Variants in NR1H3 observed in about 807,000 individuals in gnomAD.
The protein encoded by NR1H3 is oxysterols receptor LXR-alpha.
In NR1H3, 19 loss-of-function variants were observed where a neutral mutation model predicts 48.1. The observed-to-expected ratio is 0.40, with a 90% CI of 0.28 to 0.58. The LOEUF is 0.58. NR1H3 is among the 20% of genes least tolerant of loss of function. The probability of loss-of-function intolerance (pLI) is 0.50; values close to 1 mark genes in which losing one functional copy is unlikely to be tolerated. For synonymous variants in NR1H3, 232 were observed against 227.3 expected (o/e 1.02, Z -0.19); for missense variants, 486 against 595.9 (o/e 0.82, Z 1.92).
At chr11:47,265,794 C>T (rs1956404157) in intron 7 of NR1H3, among the ~76,000 whole-genome samples, 1 of 152,140 alleles carries the variant, frequency 6.6e-6, no homozygotes. Context: ...ATTGCTTGAA[C>T]CTGGGAGGCA....
chr11:47,262,794 A>G (rs1565196215), intron 7 of NR1H3, among the ~76,000 whole-genome samples: 1 of 152,158 alleles, frequency 6.6e-6, no homozygotes, highest in Non-Finnish European at 1.5e-5. Context: ...TACAGGCATG[A>G]GCCACTGAAC....
chr11:47,255,600 T>TCA (rs1955060840), upstream of NR1H3, among the ~76,000 whole-genome samples: 1 of 99,282 alleles, frequency 1.0e-5, no homozygotes, highest in African/African-American at 4.4e-5. Context: ...TTTCTTTCTC[T>TCA]CTCTCTCTCT....
At chr11:47,267,671 G>C (rs1260650761) in intron 7 of NR1H3, among the ~76,000 whole-genome samples, 1 of 152,122 alleles carries the variant, frequency 6.6e-6, no homozygotes, top group Non-Finnish European at 1.5e-5. Context: ...ACCACGCCCG[G>C]CTAGTTTTTG....
upstream of NR1H3, among the ~76,000 whole-genome samples, chr11:47,253,815 AAC>A (rs908294386): frequency 3.3e-5 from 5 of 152,192 alleles, no homozygotes; most frequent in African/African-American, 1.2e-4. Flanking sequence ...GAGCCAAGGA[AAC>A]ACAGAAGAGG....
Position 47,259,199 on chromosome 11 carries a change from C to T in NR1H3, c.-18C>T, listed in dbSNP as rs757920915. The T allele has an allele frequency of 5.0e-6, 8 of 1,614,016 alleles. No individual in the cohort carries two copies. Among genetic ancestry groups the T allele is most frequent in the Non-Finnish European group, 6.8e-6 (8 of 1,180,008 alleles). ...CTGCAGGACAGTGCCTTGGTAATGA[C>T]CAGGGCTCCAGGAAGAGATGTCCTT... On this transcript the variant is annotated 5_prime_UTR_variant, in exon 2 of 10. Transcript: ENST00000441012.
intron 7 of NR1H3, among the ~76,000 whole-genome samples, chr11:47,266,946 A>C (rs559218627): frequency 4.3e-4 from 65 of 152,018 alleles, no homozygotes; most frequent in Non-Finnish European, 6.5e-4. Flanking sequence ...TTGCTGAAAA[A>C]CGATTCTTGA....
chr11:47,255,559 TTC>T (rs1284227287), upstream of NR1H3, among the ~76,000 whole-genome samples: 5 of 70,518 alleles, frequency 7.1e-5, no homozygotes, highest in African/African-American at 4.0e-4. Context: ...CTTTCTTTCT[TTC>T]TTTCTTTCTT....
At chr11:47,248,868 A>G (rs960641349), upstream of NR1H3, 2 of 1,550,630 alleles carry the variant, frequency 1.3e-6, no homozygotes, top group Non-Finnish European at 1.7e-6. Context: ...CGCACCCGTA[A>G]GGACACACGC....
intron 1 of NR1H3, among the ~76,000 whole-genome samples, chr11:47,251,154 G>A (rs1368645308): frequency 6.6e-6 from 1 of 151,288 alleles, no homozygotes; most frequent in Admixed American, 6.6e-5. Context: ...GCAAGACTCC[G>A]TCTCAAAAAA....
rs1204313905 is a variant in NR1H3, at chr11:47,267,921, G to A, written c.997G>A (p.Val333Met). The part of the protein sequence containing the change: ...REDFAKAGLQ[V>M]EFINPIFEFS... ...CCCTTCTTCCTCCCCAGGGCTGCAA[G>A]TGGAATTCATCAACCCCATCTTCGA... The change falls in exon 8 of 10, where the codon GTG (valine) becomes ATG (methionine). Residue 333 changes from valine to methionine, a missense_variant. Physicochemically the swap from Val to Met is conservative, Grantham distance 21. Transcript: ENST00000441012. The A allele has an allele frequency of 6.2e-6, 10 of 1,613,292 alleles. No homozygotes were observed. Among genetic ancestry groups the A allele is most frequent in the Non-Finnish European group, 8.5e-6 (10 of 1,179,438 alleles).
rs565653980 is a variant in NR1H3 at position 47,261,596 on chromosome 11, G to A, written c.758G>A (p.Arg253His). 5.6e-6 allele frequency: 9 copies of A among 1,614,078 alleles called. No individual in the cohort carries two copies. The highest frequency in any genetic ancestry group is 7.6e-6 in the Non-Finnish European group (9 of 1,180,044). The change falls in exon 6 of 10, where the codon CGC becomes CAC. Residue 253 changes from arginine to histidine, a missense_variant. Physicochemically the swap from Arg to His is conservative, Grantham distance 29. Coordinates refer to ENST00000441012, the MANE Select transcript of NR1H3 (RefSeq NM_005693.4). Reference protein sequence around the residue: ...DPHSREARQQRFAHFTELAIV... With the variant: ...DPHSREARQQHFAHFTELAIV... ...CATAGCCGGGAGGCCCGTCAGCAGC[G>A]CTTTGCCCACTTCACTGAGCTGGCC...
upstream of NR1H3, among the ~76,000 whole-genome samples, chr11:47,254,720 G>C (rs935408115): frequency 5.9e-5 from 9 of 152,158 alleles, no homozygotes; most frequent in Non-Finnish European, 1.2e-4. Flanking sequence ...CCAGCCTGCT[G>C]TCTTCTCACA....
At chr11:47,248,867 A>G, upstream of NR1H3, 1 of 1,550,736 alleles carries the variant, frequency 6.4e-7, no homozygotes, top group East Asian at 2.4e-5. Context: ...ACGCACCCGT[A>G]AGGACACACG....
At chr11:47,251,816 G>A (rs1175973370) in intron 1 of NR1H3, among the ~76,000 whole-genome samples, 1 of 152,050 alleles carries the variant, frequency 6.6e-6, no homozygotes, top group Middle Eastern at 3.2e-3. Context: ...CTTCCCACTT[G>A]CTCAAATATG....
In NR1H3 at chr11:47,261,950, A is replaced by T. The variant is rs767655483; in HGVS notation, c.920A>T (p.Asn307Ile). 6.2e-7 allele frequency: 1 copy of T among 1,614,024 alleles called. No individual in the cohort carries two copies. The highest frequency in any genetic ancestry group is 8.5e-7 in the Non-Finnish European group (1 of 1,179,984). The change falls in exon 7 of 10, where the codon AAC (asparagine) becomes ATC (isoleucine). Residue 307 changes from asparagine to isoleucine, a missense_variant. Physicochemically the swap from Asn to Ile is moderately radical, Grantham distance 149. Coordinates refer to ENST00000441012, the MANE Select transcript of NR1H3 (RefSeq NM_005693.4). ...CTTCTGGAGACATCTCGGAGGTACA[A>T]CCCTGGGAGTGAGAGTATCACCTTC... ...VMLLETSRRY[N>I]PGSESITFLK...
upstream of NR1H3, among the ~76,000 whole-genome samples, chr11:47,255,097 C>G (rs1388384723): frequency 6.6e-6 from 1 of 152,234 alleles, no homozygotes; most frequent in Non-Finnish European, 1.5e-5. Context: ...ACTGGAGCAT[C>G]TGCAGGGTTC....
At chr11:47,262,074 TA>T in intron 7 of NR1H3, 56 bp downstream of exon 7, 2 of 1,334,552 alleles carry the variant, frequency 1.5e-6, no homozygotes, top group East Asian at 2.3e-5. Context: ...CTTCTTTTTT[TA>T]TTTTTTATTT....
chr11:47,248,846 C>A, upstream of NR1H3: 1 of 1,553,120 alleles, frequency 6.4e-7, no homozygotes, highest in Non-Finnish European at 8.7e-7. Flanking sequence ...CACCTGCAAG[C>A]AGCCGCCCGG....
At chr11:47,268,166 T>C (rs921741331) in intron 8 of NR1H3, 95 bp from the exon 9 acceptor site, 109 of 1,282,098 alleles carry the variant, frequency 8.5e-5, no homozygotes, top group Non-Finnish European at 1.1e-4. Flanking sequence ...ATGAGAGAGC[T>C]TGGCTGGAGC....
Sources: gnomAD v4.1 joint callset for allele counts (sites outside exome capture counted in the v4.1 genomes callset) on GRCh38, gnomAD v4.1.1 for gene constraint, MANE v1.5 for transcripts, NCBI Gene and HGNC (gene_info 2026-07-23, HGNC 2026-07-21) for gene names.